RBFOX1: variants seen among roughly 807,000 people sequenced by gnomAD.
RBFOX1 encodes RNA binding protein fox-1 homolog 1.
Under a neutral mutation model 57.7 loss-of-function variants are expected in RBFOX1, and 8 were observed. The observed-to-expected ratio is 0.14, with a 90% CI of 0.08 to 0.25. RBFOX1 has a LOEUF of 0.25. RBFOX1 is among the 10% of genes least tolerant of loss of function. The probability of loss-of-function intolerance (pLI) is 1.00; values close to 1 mark genes in which losing one functional copy is unlikely to be tolerated. For missense variants in RBFOX1, 611 were observed against 548.5 expected, an observed-to-expected ratio of 1.11 and a Z score of -1.14; for synonymous variants, 326 against 222.4, an observed-to-expected ratio of 1.47 and a Z score of -4.15.
At chr16:5,241,053 A>G (rs1392926291) in intron 1 of RBFOX1, among the ~76,000 whole-genome samples, 2 of 152,154 alleles carry the variant, frequency 1.3e-5, no homozygotes, top group African/African-American at 4.8e-5. Flanking sequence ...TGTCTTAATA[A>G]TTTGATTCGT....
At chr16:6,718,914 G>A (rs897526936) in intron 3 of RBFOX1, among the ~76,000 whole-genome samples, 1 of 152,068 alleles carries the variant, frequency 6.6e-6, no homozygotes, top group African/African-American at 2.4e-5. Flanking sequence ...CTAGGCTGGA[G>A]TGCAGTGGCA....
chr16:5,424,706 C>T (rs79237696), intron 1 of RBFOX1, among the ~76,000 whole-genome samples: 4,538 of 151,828 alleles, frequency 0.03, 245 homozygotes, highest in African/African-American at 0.1. Flanking sequence ...TGAGGGCGCA[C>T]GTGTGGGTTT....
At chr16:7,462,837 C>G (rs1599023830) in intron 4 of RBFOX1, among the ~76,000 whole-genome samples, 1 of 152,186 alleles carries the variant, frequency 6.6e-6, no homozygotes, top group Non-Finnish European at 1.5e-5. Context: ...CTTTGAATCT[C>G]TCCATGTTTC....
intron 2 of RBFOX1, among the ~76,000 whole-genome samples, chr16:6,485,352 C>G (rs886920517): frequency 3.6e-4 from 54 of 151,446 alleles, no homozygotes; most frequent in African/African-American, 1.1e-3. Flanking sequence ...TCTCTTACCC[C>G]TCTTCTCTTC....
chr16:6,622,056 T>C (rs1367582926), intron 2 of RBFOX1, among the ~76,000 whole-genome samples: 1 of 152,142 alleles, frequency 6.6e-6, no homozygotes, highest in African/African-American at 2.4e-5. Context: ...TTGGTTTGAG[T>C]TGGTGTTTAT....
chr16:5,364,454 T>G (rs2065647628), intron 1 of RBFOX1, among the ~76,000 whole-genome samples: 2 of 152,190 alleles, frequency 1.3e-5, no homozygotes, highest in Admixed American at 1.3e-4. Context: ...AGGCTGCCAA[T>G]GGCAAGTACA....
At chr16:5,291,261 GTT>G (rs71142610) in intron 1 of RBFOX1, among the ~76,000 whole-genome samples, 3 of 118,800 alleles carry the variant, frequency 2.5e-5, no homozygotes, top group Admixed American at 1.8e-4. Flanking sequence ...TTTATCATTG[GTT>G]TTTTTTTTTT....
chr16:6,179,321 G>C (rs947206001), intron 1 of RBFOX1, among the ~76,000 whole-genome samples: 5 of 152,176 alleles, frequency 3.3e-5, no homozygotes, highest in African/African-American at 1.2e-4. Context: ...CTAGAAGGCT[G>C]GATCTCAGTT....
At chr16:5,929,332 C>T (rs2059000516) in intron 4 of RBFOX1, among the ~76,000 whole-genome samples, 1 of 152,118 alleles carries the variant, frequency 6.6e-6, no homozygotes, top group African/African-American at 2.4e-5. Context: ...CTCTCTCTCT[C>T]TCTCTTTCTC....
At chr16:6,970,153 G>A (rs928477531) in intron 3 of RBFOX1, among the ~76,000 whole-genome samples, 2 of 151,602 alleles carry the variant, frequency 1.3e-5, no homozygotes, top group Non-Finnish European at 2.9e-5. Flanking sequence ...ATTCCAGCCT[G>A]GGCAACAGAA....
chr16:7,092,633 C>T lies in RBFOX1; in HGVS notation c.27+40535C>T, dbSNP rs1407382008. Among the ~76,000 whole-genome samples, 6 of 152,112 alleles carry T rather than the reference C, an allele frequency of 3.9e-5. No homozygotes were observed. In the East Asian group the frequency reaches 9.6e-4, roughly 24 times the overall value. ...TTCACTAATCATATATGTATTTGTT[C>T]AGTGGGTTGGTTATTGACAGAGCCT... On this transcript the variant is annotated intron_variant, in intron 4 of 15. Transcript: ENST00000550418.
chr16:7,153,311 T>G (rs1324514846), intron 4 of RBFOX1, among the ~76,000 whole-genome samples: 1 of 152,168 alleles, frequency 6.6e-6, no homozygotes, highest in Non-Finnish European at 1.5e-5. Flanking sequence ...TTGATTTATT[T>G]CATTTGATAA....
intron 3 of RBFOX1, among the ~76,000 whole-genome samples, chr16:6,881,361 C>G (rs1314198043): frequency 6.6e-6 from 1 of 152,134 alleles, no homozygotes; most frequent in Non-Finnish European, 1.5e-5. Context: ...GCTAAAACAA[C>G]AAACAGTTAC....
chr16:7,019,818 C>T (rs926265291), intron 3 of RBFOX1, among the ~76,000 whole-genome samples: 3 of 152,192 alleles, frequency 2.0e-5, no homozygotes, highest in East Asian at 1.9e-4. Context: ...TAATCCTGAA[C>T]ATATGATTCT....
At position 7,130,774 on chromosome 16, in the gene RBFOX1, C is replaced by G. The variant is rs114101054; in HGVS notation, c.27+78676C>G. Among the ~76,000 whole-genome samples the G allele has an allele frequency of 3.9e-3, 601 of 152,222 alleles. 4 individuals are homozygous for G. The highest frequency in any genetic ancestry group is 0.014 in the African/African-American group (580 of 41,534). On this transcript the variant is annotated intron_variant, in intron 4 of 15. Transcript: ENST00000550418. ...CTTTAATATCGTGCTTAAATTTTGT[C>G]AACGCATTTCTTTTAAAAAATGGAG...
chr16:7,496,560 T>C (rs2068701491), intron 4 of RBFOX1, among the ~76,000 whole-genome samples: 1 of 152,162 alleles, frequency 6.6e-6, no homozygotes, highest in East Asian at 1.9e-4. Context: ...ATCATCATCA[T>C]CATCATCATT....
At chr16:7,704,041 G>C (rs887247140) in intron 14 of RBFOX1, among the ~76,000 whole-genome samples, 1 of 152,152 alleles carries the variant, frequency 6.6e-6, no homozygotes, top group East Asian at 1.9e-4. Context: ...AATGCACCTT[G>C]AGTTAGGTAG....
Position 7,454,762 on chromosome 16 carries a change from A to G in RBFOX1, c.28-63385A>G, listed in dbSNP as rs144782847. ...ATACATTTCTACCATGAACATGTGC[A>G]ATTGCCCATCTGTGTTTTCTTTCCC... On this transcript the variant is annotated intron_variant, in intron 4 of 15. Transcript: ENST00000550418. 7.2e-5 allele frequency among the ~76,000 whole-genome samples: 11 copies of G among 152,330 alleles called. No individual in the cohort carries two copies. In the East Asian group the frequency reaches 1.5e-3, roughly 21 times the overall value.
At chr16:6,776,943 A>T (rs561003969) in intron 3 of RBFOX1, among the ~76,000 whole-genome samples, 1 of 152,336 alleles carries the variant, frequency 6.6e-6, no homozygotes, top group East Asian at 1.9e-4. Flanking sequence ...TGTATTGTTC[A>T]TAAATTATCT....
Sources: allele counts gnomAD v4.1 joint callset (sites outside exome capture counted in the v4.1 genomes callset), GRCh38; gene constraint gnomAD v4.1.1; transcripts MANE v1.5; gene names NCBI Gene and HGNC (gene_info 2026-07-23, HGNC 2026-07-21).